Variants in VPS13B observed in about 807,000 individuals in gnomAD.
VPS13B encodes the protein intermembrane lipid transfer protein VPS13B.
A neutral mutation model predicts 426.4 loss-of-function variants in VPS13B; 285 were observed. That is an observed-to-expected ratio of 0.67 (90% CI 0.61 to 0.74). The LOEUF is 0.74. Ranked by LOEUF, VPS13B falls within the 30% of genes least tolerant of loss-of-function variation. The pLI is 0.00. For synonymous variants in VPS13B, 1,676 were observed against 1,676.4 expected (o/e 1.00, Z 0.01); for missense variants, 4,537 against 4,782.6 (o/e 0.95, Z 1.51).
chr8:99,771,992 G>T (rs897903998), intron 40 of VPS13B, among the ~76,000 whole-genome samples: 1 of 152,134 alleles, frequency 6.6e-6, no homozygotes, highest in Non-Finnish European at 1.5e-5. Context: ...CCCCAGGTTT[G>T]CTTTTGAGGC....
At chr8:99,854,560 C>G (rs1054599040) in intron 56 of VPS13B, among the ~76,000 whole-genome samples, 1 of 152,178 alleles carries the variant, frequency 6.6e-6, no homozygotes, top group Non-Finnish European at 1.5e-5. Context: ...ACTCAATAAA[C>G]ATTCAAGCAG....
intron 19 of VPS13B, 48 bp downstream of exon 19, chr8:99,275,302 T>C: frequency 6.7e-7 from 1 of 1,501,856 alleles, no homozygotes; most frequent in Non-Finnish European, 8.9e-7. Flanking sequence ...TTTTTTTTTT[T>C]TTTTTCCAGA....
intron 19 of VPS13B, among the ~76,000 whole-genome samples, chr8:99,312,668 A>G (rs1338617818): frequency 2.0e-5 from 3 of 151,988 alleles, no homozygotes; most frequent in Non-Finnish European, 4.4e-5. Flanking sequence ...CCTCTTGAGG[A>G]GTATCTTTGT....
chr8:99,478,212 CTT>C (rs1291877597), intron 24 of VPS13B, among the ~76,000 whole-genome samples: 1 of 151,230 alleles, frequency 6.6e-6, no homozygotes, highest in Non-Finnish European at 1.5e-5. Context: ...GAACATAACA[CTT>C]TCTTAGCATT....
At chr8:99,646,273 G>A (rs1449469224) in intron 34 of VPS13B, among the ~76,000 whole-genome samples, 2 of 152,142 alleles carry the variant, frequency 1.3e-5, no homozygotes, top group African/African-American at 2.4e-5. Flanking sequence ...TCAGCACTTT[G>A]GGAGGCCAAA....
intron 30 of VPS13B, among the ~76,000 whole-genome samples, chr8:99,544,764 A>T (rs895785889): frequency 6.6e-6 from 1 of 152,194 alleles, no homozygotes; most frequent in African/African-American, 2.4e-5. Flanking sequence ...TATCAACTTA[A>T]AATCCCCAGA....
rs116966699 is a variant in VPS13B, at chr8:99,621,556, T to C, written c.5221-20255T>C. ...TCACTGCTTAATTGCTTTATCATGC[T>C]AACTCCTATTACTTTACCAGGGCCT... On this transcript the variant is annotated intron_variant, in intron 33 of 61. Transcript: ENST00000357162. 6.9e-3 allele frequency among the ~76,000 whole-genome samples: 1,053 copies of C among 152,296 alleles called. 7 individuals carry two copies. The highest frequency in any genetic ancestry group is 9.9e-3 in the Non-Finnish European group (670 of 68,020).
intron 16 of VPS13B, among the ~76,000 whole-genome samples, chr8:99,171,693 G>C (rs979527413): frequency 6.6e-6 from 1 of 151,854 alleles, no homozygotes; most frequent in Non-Finnish European, 1.5e-5. Flanking sequence ...CTTTTTTGTA[G>C]TTAAGACTAC....
chr8:99,440,838 G>A (rs186412308), intron 22 of VPS13B, among the ~76,000 whole-genome samples: 105 of 152,092 alleles, frequency 6.9e-4, no homozygotes, highest in South Asian at 3.7e-3. Flanking sequence ...AATATTGAAA[G>A]CATTTTTCAA....
At chr8:99,313,440 C>A (rs991741542) in intron 19 of VPS13B, among the ~76,000 whole-genome samples, 5 of 152,184 alleles carry the variant, frequency 3.3e-5, no homozygotes, top group Admixed American at 2.6e-4. Context: ...CCACTCCAGA[C>A]CCTGTTTGCC....
intron 43 of VPS13B, among the ~76,000 whole-genome samples, chr8:99,791,700 A>G (rs533562947): frequency 6.6e-6 from 1 of 150,728 alleles, no homozygotes; most frequent in Non-Finnish European, 1.5e-5. Flanking sequence ...GAATAACAGC[A>G]ACACATTCTG....
At position 99,341,015 on chromosome 8, in the gene VPS13B, C is replaced by T. The variant is rs183469583; in HGVS notation, c.2825-43193C>T. On this transcript the variant is annotated intron_variant, in intron 19 of 61. Transcript: ENST00000357162. ...AAAGAAAACACTTAGCTGAAGTCAC[C>T]TTTTTATACTGAGCTTATTCCCATG... 5.0e-3 allele frequency: 1,303 copies of T among 262,202 alleles called. 3 individuals are homozygous for T. Among genetic ancestry groups the T allele is most frequent in the Non-Finnish European group, 6.5e-3 (820 of 126,714 alleles). The allele number at this position is 262,202 out of a possible 1,614,324, so 16.2% of individuals were successfully genotyped here. A position where few individuals can be genotyped will look rare whatever the true frequency, so the allele number is the denominator to read the frequency against.
intron 30 of VPS13B, among the ~76,000 whole-genome samples, chr8:99,531,130 A>G (rs577757200): frequency 3.3e-5 from 5 of 152,244 alleles, no homozygotes; most frequent in Non-Finnish European, 7.3e-5. Context: ...ACTTAATATT[A>G]TAACCTTCAA....
At chr8:99,654,028 G>GATTATT (rs1371899907) in intron 34 of VPS13B, among the ~76,000 whole-genome samples, 2 of 150,972 alleles carry the variant, frequency 1.3e-5, no homozygotes, top group East Asian at 1.9e-4. Flanking sequence ...GGATGATGAT[G>GATTATT]ATGATTATTA....
chr8:99,063,385 A>G (rs1844302500), intron 3 of VPS13B, among the ~76,000 whole-genome samples: 1 of 152,236 alleles, frequency 6.6e-6, no homozygotes, highest in Non-Finnish European at 1.5e-5. Context: ...TACTTTTCCA[A>G]TAGTCTTAGC....
At chr8:99,818,310 T>C in intron 45 of VPS13B, 141 bp from the exon 46 acceptor site, 1 of 855,520 alleles carries the variant, frequency 1.2e-6, no homozygotes, top group Non-Finnish European at 1.8e-6. Context: ...AGTCTGTTTT[T>C]GCTCAGTTTT....
At chr8:99,623,370 T>A (rs1489243705) in intron 33 of VPS13B, among the ~76,000 whole-genome samples, 1 of 152,208 alleles carries the variant, frequency 6.6e-6, no homozygotes, top group Admixed American at 6.5e-5. Flanking sequence ...GTCTTTCTCA[T>A]ACCATGTATA....
At chr8:99,443,661 A>G (rs1440452205) in intron 23 of VPS13B, among the ~76,000 whole-genome samples, 4 of 152,088 alleles carry the variant, frequency 2.6e-5, no homozygotes, top group Non-Finnish European at 4.4e-5. Context: ...TGTTGTTTTT[A>G]TGGCTGAATA....
At chr8:99,416,591 C>T (rs1305397099) in intron 21 of VPS13B, among the ~76,000 whole-genome samples, 1 of 152,190 alleles carries the variant, frequency 6.6e-6, no homozygotes, top group Non-Finnish European at 1.5e-5. Flanking sequence ...TGTGAAGACC[C>T]TGGGAAAAGC....
Sources: allele counts gnomAD v4.1 joint callset (sites outside exome capture counted in the v4.1 genomes callset), GRCh38; gene constraint gnomAD v4.1.1; transcripts MANE v1.5; gene names NCBI Gene and HGNC (gene_info 2026-07-23, HGNC 2026-07-21).